Variants in INSC observed in about 807,000 individuals in gnomAD.
The protein encoded by INSC is protein inscuteable homolog.
Under a neutral mutation model 58.6 loss-of-function variants are expected in INSC, and 67 were observed. The observed-to-expected ratio is 1.14, with a 90% CI of 0.94 to 1.40. The LOEUF (loss-of-function observed/expected upper bound fraction) is 1.40, where lower values mean the gene tolerates loss of function less well. Among genes scored for constraint, INSC ranks in the 40% most tolerant of loss-of-function variants. The pLI is 0.00. For synonymous variants in INSC, 262 were observed against 276.1 expected (o/e 0.95, Z 0.51); for missense variants, 714 against 692.0 (o/e 1.03, Z -0.36).
intron 6 of INSC, among the ~76,000 whole-genome samples, chr11:15,200,475 A>G (rs1792581): frequency 0.53 from 80,365 of 151,586 alleles, 21,984 homozygotes; most frequent in South Asian, 0.63. Flanking sequence ...GCTCTATGGG[A>G]GGCTGCTCCA....
chr11:15,115,738 A>G lies in INSC; in HGVS notation c.-46+735A>G, dbSNP rs184710986. ...ACCCACGCTTACATGCTCAGCATAC[A>G]CACATTCCTGTCCATGTGCACCAGT... is the stretch of plus-strand genomic sequence containing the variant. On this transcript the variant is annotated intron_variant, in intron 1 of 12. Coordinates refer to ENST00000379556, the MANE Select transcript of INSC (RefSeq NM_001042536.3). Among the ~76,000 whole-genome samples, 4 of 152,272 alleles carry G rather than the reference A, an allele frequency of 2.6e-5. No individual in the cohort carries two copies. In the East Asian group the frequency reaches 7.7e-4, roughly 29 times the overall value.
At chr11:15,260,683 T>C in the INSC span, among the ~76,000 whole-genome samples, 1 of 152,152 alleles carries the variant, frequency 6.6e-6, no homozygotes, top group Non-Finnish European at 1.5e-5. Context: ...ATTGAGGTAA[T>C]AGAGATTATA....
downstream of INSC, among the ~76,000 whole-genome samples, chr11:15,247,420 A>G (rs1852598844): frequency 6.6e-6 from 1 of 152,140 alleles, no homozygotes; most frequent in Admixed American, 6.5e-5. Context: ...CTATTACCAA[A>G]GCCTTTGTGC....
intron 6 of INSC, among the ~76,000 whole-genome samples, chr11:15,193,596 T>C (rs1278086459): frequency 6.6e-6 from 1 of 152,206 alleles, no homozygotes; most frequent in Admixed American, 6.5e-5. Context: ...TCCAGCTTCA[T>C]CCATGTCGCT....
intron 2 of INSC, 116 bp downstream of exon 2, chr11:15,149,346 G>A: frequency 9.4e-7 from 1 of 1,060,690 alleles, no homozygotes; most frequent in Non-Finnish European, 1.3e-6. Context: ...AATTTTCTGG[G>A]GAGGATGCCG....
At chr11:15,180,042 G>A (rs974135864) in intron 5 of INSC, among the ~76,000 whole-genome samples, 1 of 152,172 alleles carries the variant, frequency 6.6e-6, no homozygotes, top group Non-Finnish European at 1.5e-5. Context: ...AGATCACGAG[G>A]TCAGGAGATC....
At chr11:15,132,009 A>T (rs766772729) in intron 1 of INSC, among the ~76,000 whole-genome samples, 1 of 150,752 alleles carries the variant, frequency 6.6e-6, no homozygotes, top group South Asian at 2.1e-4. Context: ...CTTTGTTTGG[A>T]TTAATTTTTA....
chr11:15,146,545 G>A (rs756565529), intron 1 of INSC, among the ~76,000 whole-genome samples: 9 of 152,150 alleles, frequency 5.9e-5, no homozygotes, highest in African/African-American at 9.7e-5. Context: ...GGAAGCTATG[G>A]GTCAAAAAGA....
the INSC span, among the ~76,000 whole-genome samples, chr11:15,267,030 T>C: frequency 7.9e-5 from 12 of 152,030 alleles, no homozygotes; most frequent in African/African-American, 2.9e-4. Flanking sequence ...TTGAAGACCT[T>C]TTAAAATTTC....
At chr11:15,140,901 A>G (rs1265285658) in intron 1 of INSC, among the ~76,000 whole-genome samples, 8 of 151,826 alleles carry the variant, frequency 5.3e-5, no homozygotes, top group South Asian at 4.2e-4. Flanking sequence ...CTTCTTTTGA[A>G]CTTGTCTCTC....
At chr11:15,226,450 G>C (rs1269709622) in intron 9 of INSC, among the ~76,000 whole-genome samples, 1 of 152,082 alleles carries the variant, frequency 6.6e-6, no homozygotes, top group East Asian at 1.9e-4. Flanking sequence ...TAGAATGGGG[G>C]TATTTTAAAG....
chr11:15,116,808 T>C (rs1020926666), intron 1 of INSC, among the ~76,000 whole-genome samples: 1 of 20,998 alleles, frequency 4.8e-5, no homozygotes, highest in African/African-American at 2.9e-4. Flanking sequence ...TTCTTTCTTT[T>C]CTTTCTTTCT....
chr11:15,255,918 G>A, the INSC span, among the ~76,000 whole-genome samples: 1 of 152,150 alleles, frequency 6.6e-6, no homozygotes, highest in Admixed American at 6.5e-5. Flanking sequence ...AGAATCTTCA[G>A]TTTGCCTATG....
intron 6 of INSC, among the ~76,000 whole-genome samples, chr11:15,198,967 T>C (rs1850474975): frequency 6.6e-6 from 1 of 152,092 alleles, no homozygotes; most frequent in Admixed American, 6.5e-5. Context: ...ATCAGAGTGG[T>C]TCTGTCTTGA....
rs1378491191 is a variant in INSC at position 15,160,930 on chromosome 11, T to C, written c.56+11700T>C. Among the ~76,000 whole-genome samples, 3 of 152,348 alleles carry C rather than the reference T, an allele frequency of 2.0e-5. No individual in the cohort carries two copies. The East Asian group carries it at 5.8e-4, about 29-fold the overall frequency. On this transcript the variant is annotated intron_variant, in intron 2 of 12. Transcript: ENST00000379556. ...CTCTTTGAGCCTCAGTTTCTCCTCC[T>C]CTGTAAGATGAGGGTAATAAATAGC... is the stretch of plus-strand genomic sequence containing the variant.
intron 8 of INSC, among the ~76,000 whole-genome samples, chr11:15,222,017 A>C (rs1484199149): frequency 1.3e-5 from 2 of 152,174 alleles, no homozygotes; most frequent in Non-Finnish European, 2.9e-5. Context: ...CTAAAGTCTC[A>C]GTCCTTGTGC....
chr11:15,203,423 T>G (rs1044402581), intron 7 of INSC, among the ~76,000 whole-genome samples: 1 of 151,902 alleles, frequency 6.6e-6, no homozygotes, highest in African/African-American at 2.4e-5. Context: ...GGAATAAGAC[T>G]TACCCTGGTA....
At chr11:15,168,778 C>G (rs73424565) in intron 2 of INSC, among the ~76,000 whole-genome samples, 1,769 of 152,232 alleles carry the variant, frequency 0.012, 37 homozygotes, top group African/African-American at 0.04. Context: ...TGGGGAGTGA[C>G]TAGAAGGGGC....
chr11:15,149,628 G>A (rs1848587092), intron 2 of INSC, among the ~76,000 whole-genome samples: 1 of 152,156 alleles, frequency 6.6e-6, no homozygotes, highest in African/African-American at 2.4e-5. Context: ...TCCTTGGGAA[G>A]TACTTGTTGT....
Sources: gnomAD v4.1 joint callset for allele counts (sites outside exome capture counted in the v4.1 genomes callset) on GRCh38, gnomAD v4.1.1 for gene constraint, MANE v1.5 for transcripts, NCBI Gene and HGNC (gene_info 2026-07-23, HGNC 2026-07-21) for gene names.